The following CREB5 variants were observed in gnomAD, a reference collection of about 807,000 sequenced individuals.
CREB5 encodes cyclic AMP-responsive element-binding protein 5.
In CREB5, 19 loss-of-function variants were observed where a neutral mutation model predicts 57.1. The observed-to-expected ratio is 0.33, with a 90% CI of 0.23 to 0.49. The LOEUF is 0.49. Among genes scored for constraint, CREB5 ranks in the 20% least tolerant of loss-of-function variants. The probability of loss-of-function intolerance (pLI) is 0.99; values close to 1 mark genes in which losing one functional copy is unlikely to be tolerated. For missense variants in CREB5, 579 were observed against 671.6 expected (o/e 0.86, Z 1.52); for synonymous variants, 238 against 238.3 (o/e 1.00, Z 0.01).
chr7:28,560,947 T>TGCGTGCGCGCGC (rs1562798055), intron 4 of CREB5, among the ~76,000 whole-genome samples: 1 of 21,186 alleles, frequency 4.7e-5, no homozygotes, highest in Non-Finnish European at 9.6e-5. Flanking sequence ...CGTGCGTGTG[T>TGCGTGCGCGCGC]GTGCGTGTGT....
At chr7:28,579,245 C>T (rs7788360) in intron 5 of CREB5, among the ~76,000 whole-genome samples, 9,773 of 152,282 alleles carry the variant, frequency 0.064, 413 homozygotes, top group South Asian at 0.1. Flanking sequence ...TCATGGCTCA[C>T]ACCCTACAAC....
At chr7:28,684,227 C>T (rs1269182611) in intron 5 of CREB5, among the ~76,000 whole-genome samples, 1 of 152,202 alleles carries the variant, frequency 6.6e-6, no homozygotes, top group Non-Finnish European at 1.5e-5. Flanking sequence ...GTTATACAGG[C>T]CACTGACATG....
chr7:28,801,534 AT>A (rs1808367000), intron 7 of CREB5, among the ~76,000 whole-genome samples: 1 of 152,210 alleles, frequency 6.6e-6, no homozygotes, highest in Non-Finnish European at 1.5e-5. Flanking sequence ...CCATAGTCAA[AT>A]AAAAGTTTTT....
chr7:28,716,517 G>C (rs1457325805), intron 5 of CREB5, among the ~76,000 whole-genome samples: 1 of 152,220 alleles, frequency 6.6e-6, no homozygotes, highest in Non-Finnish European at 1.5e-5. Flanking sequence ...CGGATGGATA[G>C]ATGGATGATT....
chr7:28,559,438 C>T (rs2128638620), intron 4 of CREB5, among the ~76,000 whole-genome samples: 1 of 152,270 alleles, frequency 6.6e-6, no homozygotes, highest in South Asian at 2.1e-4. Context: ...CCTCAGCCTC[C>T]TGAGTAGCGG....
At chr7:28,397,942 A>T (rs1271181918) in intron 1 of CREB5, among the ~76,000 whole-genome samples, 1 of 152,174 alleles carries the variant, frequency 6.6e-6, no homozygotes, top group East Asian at 1.9e-4. Flanking sequence ...TATTATGTAA[A>T]ATATATATAA....
chr7:28,793,443 G>A (rs1807845472), intron 7 of CREB5, among the ~76,000 whole-genome samples: 1 of 152,178 alleles, frequency 6.6e-6, no homozygotes, highest in Admixed American at 6.5e-5. Flanking sequence ...GAGGCCCAAT[G>A]GTACACATCT....
At chr7:28,799,320 A>AAG (rs532369440) in intron 7 of CREB5, among the ~76,000 whole-genome samples, 70 of 152,330 alleles carry the variant, frequency 4.6e-4, no homozygotes, top group African/African-American at 1.6e-3. Context: ...TGTTTTAAAA[A>AAG]GCTTGGTTTT....
chr7:28,649,342 T>G (rs1799033860), intron 5 of CREB5, among the ~76,000 whole-genome samples: 1 of 152,234 alleles, frequency 6.6e-6, no homozygotes, highest in Non-Finnish European at 1.5e-5. Flanking sequence ...AGAATGGTAT[T>G]TCATGCCATG....
chr7:28,393,780 A>C (rs1787276998), intron 1 of CREB5, among the ~76,000 whole-genome samples: 1 of 152,226 alleles, frequency 6.6e-6, no homozygotes, highest in African/African-American at 2.4e-5. Context: ...GTGTAGTGTT[A>C]AAGTGGACTT....
chr7:28,423,426 G>A (rs1487611699), intron 1 of CREB5, among the ~76,000 whole-genome samples: 1 of 152,150 alleles, frequency 6.6e-6, no homozygotes, highest in Admixed American at 6.5e-5. Context: ...TGCAAGCCTG[G>A]AGACAGAAAA....
intron 5 of CREB5, among the ~76,000 whole-genome samples, chr7:28,681,320 A>G (rs1800581376): frequency 6.6e-6 from 1 of 152,208 alleles, no homozygotes; most frequent in Non-Finnish European, 1.5e-5. Flanking sequence ...TGTTGCCGCT[A>G]GTTCAGGCTC....
At chr7:28,634,297 A>G (rs1057460529) in intron 5 of CREB5, among the ~76,000 whole-genome samples, 1 of 152,226 alleles carries the variant, frequency 6.6e-6, no homozygotes, top group South Asian at 2.1e-4. Context: ...CTTCCCTTTC[A>G]GACCAGTTGA....
intron 4 of CREB5, among the ~76,000 whole-genome samples, chr7:28,536,064 A>C (rs1793955007): frequency 1.3e-5 from 2 of 152,146 alleles, no homozygotes; most frequent in Admixed American, 6.6e-5. Context: ...TATTGTCACA[A>C]GTCACTCCTC....
chr7:28,539,513 G>A (rs1161172169), intron 4 of CREB5, among the ~76,000 whole-genome samples: 3 of 152,180 alleles, frequency 2.0e-5, no homozygotes, highest in South Asian at 2.1e-4. Flanking sequence ...CAAGATATTA[G>A]CAACAGCCTG....
At chr7:28,780,307 T>C (rs1806899079) in intron 7 of CREB5, among the ~76,000 whole-genome samples, 1 of 152,120 alleles carries the variant, frequency 6.6e-6, no homozygotes, top group African/African-American at 2.4e-5. Flanking sequence ...CCTGCCAGAG[T>C]CAATGTACTC....
intron 1 of CREB5, among the ~76,000 whole-genome samples, chr7:28,385,374 G>A (rs1011875074): frequency 6.6e-6 from 1 of 152,120 alleles, no homozygotes; most frequent in Admixed American, 6.6e-5. Flanking sequence ...TTTGAAGTCA[G>A]TGGAAGAAGT....
At chr7:28,547,285 T>C (rs1190656027) in intron 4 of CREB5, among the ~76,000 whole-genome samples, 1 of 152,266 alleles carries the variant, frequency 6.6e-6, no homozygotes, top group Non-Finnish European at 1.5e-5. Flanking sequence ...TAGATCTCCA[T>C]ATCAGCACCA....
chr7:28,701,596 G>C (rs1246085226), intron 5 of CREB5, among the ~76,000 whole-genome samples: 2 of 151,890 alleles, frequency 1.3e-5, no homozygotes, highest in African/African-American at 2.4e-5. Context: ...TCAAACTAGG[G>C]GTATATATTT....
Sources: gnomAD v4.1 joint callset for allele counts (sites outside exome capture counted in the v4.1 genomes callset) on GRCh38, gnomAD v4.1.1 for gene constraint, MANE v1.5 for transcripts, NCBI Gene and HGNC (gene_info 2026-07-23, HGNC 2026-07-21) for gene names.